Variants in KCNQ1 observed in about 807,000 individuals in gnomAD.
KCNQ1 encodes the protein potassium voltage-gated channel subfamily Q member 1.
In KCNQ1, 49 loss-of-function variants were observed where a neutral mutation model predicts 72.4. The ratio of observed to expected loss-of-function variants is 0.68; its 90% CI spans 0.54 to 0.86. The LOEUF is 0.86. Among genes scored for constraint, KCNQ1 ranks in the 40% least tolerant of loss-of-function variants. KCNQ1 has a pLI of 0.00. For missense variants in KCNQ1, 790 were observed against 945.1 expected (o/e 0.84, Z 2.15); for synonymous variants, 450 against 412.6 (o/e 1.09, Z -1.10).
At position 2,595,570 on chromosome 11, in the gene KCNQ1, C is replaced by T. The variant is rs918333616; in HGVS notation, c.1393+6716C>T. Among the ~76,000 whole-genome samples, 1 of 152,188 alleles carries T rather than the reference C, an allele frequency of 6.6e-6. No homozygotes were observed. Among genetic ancestry groups the T allele is most frequent in the African/African-American group, 2.4e-5 (1 of 41,452 alleles). On this transcript the variant is annotated intron_variant, in intron 10 of 15. Coordinates refer to ENST00000155840, the MANE Select transcript of KCNQ1 (RefSeq NM_000218.3). The surrounding 1 kb of genome is among the most constrained non-coding windows in gnomAD (Gnocchi z 5.0). ...AGCCCGATGACAGTACATCTGTTGA[C>T]AACATGGTTTACTGAATATGTTGAG... is the stretch of plus-strand genomic sequence containing the variant.
rs887438131 is a variant in KCNQ1 at position 2,564,970 on chromosome 11, C to T, written c.478-5658C>T. ...CCGTGGTAGGGAGGGACCACATCTTCCGTCTCCGTCGGTGCACTGAGGGAC... is the reference window on the plus strand; with the variant it reads ...CCGTGGTAGGGAGGGACCACATCTTTCGTCTCCGTCGGTGCACTGAGGGAC... On this transcript the variant is annotated intron_variant, in intron 2 of 15. Coordinates refer to ENST00000155840, the MANE Select transcript of KCNQ1 (RefSeq NM_000218.3). This position sits in a 1 kb window ranked among gnomAD's most constrained non-coding sequence, Gnocchi z 4.5. 2.6e-5 allele frequency among the ~76,000 whole-genome samples: 4 copies of T among 152,214 alleles called. No individual in the cohort carries two copies. The highest frequency in any genetic ancestry group is 5.9e-5 in the Non-Finnish European group (4 of 68,044).
chr11:2,776,043 G>A lies in KCNQ1; in HGVS notation c.1674G>A (p.Glu558=), dbSNP rs2133989416. 6.4e-7 allele frequency: 1 copy of A among 1,562,030 alleles called. No homozygotes were observed. Among genetic ancestry groups the A allele is most frequent in the Non-Finnish European group, 8.7e-7 (1 of 1,153,040 alleles). Residue 558 remains glutamate (E), a synonymous_variant, in exon 13 of 16, where the codon GAG becomes GAA. Coordinates refer to ENST00000155840, the MANE Select transcript of KCNQ1 (RefSeq NM_000218.3). Reference sequence around the variant, plus strand: ...TCAACCTCATGGTGCGCATCAAGGAGCTGCAGAGGAGGTGGGCACGGCCAA... The same window carrying A: ...TCAACCTCATGGTGCGCATCAAGGAACTGCAGAGGAGGTGGGCACGGCCAA... ...GHLNLMVRIK[E]LQRRLDQSIG... is the part of the protein sequence containing the mutation.
Position 2,677,989 on chromosome 11 carries a change from G to C in KCNQ1, c.1514+15908G>C. ...TTTACATTTCTTTTGTTGGAAATGA[G>C]GTTTTTATCTTTCCAAATGCTTAAA... is the stretch of plus-strand genomic sequence containing the variant. On this transcript the variant is annotated intron_variant, in intron 11 of 15. Coordinates refer to ENST00000155840, the MANE Select transcript of KCNQ1 (RefSeq NM_000218.3). This position sits in a 1 kb window ranked among gnomAD's most constrained non-coding sequence, Gnocchi z 4.5. 2 of 394,482 alleles carry C rather than the reference G, an allele frequency of 5.1e-6. No individual in the cohort carries two copies. The highest frequency in any genetic ancestry group is 8.9e-6 in the Non-Finnish European group (2 of 225,664). 24.4% of individuals were successfully genotyped at this position (394,482 alleles called of 1,614,324 possible). A position where few individuals can be genotyped will look rare whatever the true frequency, so the allele number is the denominator to read the frequency against.
chr11:2,614,125 C>T (rs7483403), intron 10 of KCNQ1: 2 of 398,466 alleles, frequency 5.0e-6, no homozygotes, highest in Non-Finnish European at 8.8e-6. Context: ...TTTGGCTTTC[C>T]TACCATGTCT....
rs981828341 is a variant in KCNQ1, at chr11:2,458,106, A to G, written c.386+12622A>G. ...TGGAGTATTCATCACAGCAGAAGGC[A>G]GGGAAGTTATCAGAGGCCCCCTAGG... is the stretch of plus-strand genomic sequence containing the variant. On this transcript the variant is annotated intron_variant, in intron 1 of 15. Transcript: ENST00000155840. The surrounding 1 kb of genome is among the most constrained non-coding windows in gnomAD (Gnocchi z 4.6). Among the ~76,000 whole-genome samples the G allele has an allele frequency of 6.6e-6, 1 of 152,142 alleles. No homozygotes were observed. Among genetic ancestry groups the G allele is most frequent in the Non-Finnish European group, 1.5e-5 (1 of 68,018 alleles).
At position 2,653,974 on chromosome 11, in the gene KCNQ1, A is replaced by G; in HGVS notation, c.1394-7987A>G. 2.5e-6 allele frequency: 1 copy of G among 398,620 alleles called. No homozygotes were observed. Among genetic ancestry groups the G allele is most frequent in the Non-Finnish European group, 4.4e-6 (1 of 226,076 alleles). 24.7% of individuals were successfully genotyped at this position (398,620 alleles called of 1,614,324 possible). On this transcript the variant is annotated intron_variant, in intron 10 of 15. Transcript: ENST00000155840. The surrounding 1 kb of genome is among the most constrained non-coding windows in gnomAD (Gnocchi z 5.3). ...CAACAGGTGTCCACTCAAGCAAGGT[A>G]TTTTCCTAAGCGGAACTGGGTGCCA...
At chr11:2,732,772 G>A (rs1030186460) in intron 11 of KCNQ1, among the ~76,000 whole-genome samples, 7 of 152,072 alleles carry the variant, frequency 4.6e-5, no homozygotes, top group Non-Finnish European at 8.8e-5. Context: ...TATTGTGGCC[G>A]CCACCGAGGC....
intron 13 of KCNQ1, 46 bp downstream of exon 13, chr11:2,776,100 C>A: frequency 1.4e-6 from 2 of 1,469,162 alleles, no homozygotes; most frequent in Non-Finnish European, 1.9e-6. Flanking sequence ...AGGTCCTGCC[C>A]AGCCCGGCCC....
intron 11 of KCNQ1, chr11:2,686,191 GC>G (rs909739562): frequency 2.3e-5 from 9 of 398,672 alleles, no homozygotes; most frequent in African/African-American, 1.9e-4. Context: ...TACTCATCCT[GC>G]CCAAAACCCT....
chr11:2,751,444 C>T (rs1846223671), intron 11 of KCNQ1, among the ~76,000 whole-genome samples: 1 of 152,228 alleles, frequency 6.6e-6, no homozygotes, highest in African/African-American at 2.4e-5. Flanking sequence ...AGCATCTGTC[C>T]CACGTTCCAC....
chr11:2,615,675 G>A, intron 10 of KCNQ1: 1 of 398,008 alleles, frequency 2.5e-6, no homozygotes, highest in Non-Finnish European at 4.4e-6. Context: ...TTAATGTGGT[G>A]TATTACATTG....
intron 11 of KCNQ1, among the ~76,000 whole-genome samples, chr11:2,733,919 G>A (rs377247420): frequency 1.5e-5 from 2 of 135,306 alleles, no homozygotes; most frequent in Admixed American, 1.6e-4. Flanking sequence ...CACCACCCCC[G>A]AAACATGCAC....
At chr11:2,523,755 T>TTTTTTTC (rs1554888061) in intron 1 of KCNQ1, among the ~76,000 whole-genome samples, 1 of 145,382 alleles carries the variant, frequency 6.9e-6, no homozygotes, top group African/African-American at 2.6e-5. Flanking sequence ...TTTACAGTTT[T>TTTTTTTC]TTTTTTTTTT....
At chr11:2,500,764 T>C (rs1846996425) in intron 1 of KCNQ1, among the ~76,000 whole-genome samples, 1 of 150,262 alleles carries the variant, frequency 6.7e-6, no homozygotes, top group Non-Finnish European at 1.5e-5. Flanking sequence ...CTCAGCAAAC[T>C]AACACAAGAA....
chr11:2,789,907 A>G (rs890520107), intron 15 of KCNQ1, among the ~76,000 whole-genome samples: 1 of 151,988 alleles, frequency 6.6e-6, no homozygotes, highest in Non-Finnish European at 1.5e-5. Flanking sequence ...ACCACCCCCA[A>G]TCCTAACATC....
At chr11:2,583,181 G>C (rs1210003201) in intron 6 of KCNQ1, among the ~76,000 whole-genome samples, 2 of 152,140 alleles carry the variant, frequency 1.3e-5, no homozygotes, top group Non-Finnish European at 1.5e-5. Flanking sequence ...CAGCAGGCCT[G>C]GCCCTTCGTG....
At chr11:2,629,980 ATCTTTT>A in intron 10 of KCNQ1, 1 of 398,358 alleles carries the variant, frequency 2.5e-6, no homozygotes. Context: ...TGGTGAGAAT[ATCTTTT>A]TCTTGTTCCT....
At chr11:2,834,485 T>A (rs1184597419) in intron 15 of KCNQ1, among the ~76,000 whole-genome samples, 2 of 152,208 alleles carry the variant, frequency 1.3e-5, no homozygotes, top group Admixed American at 6.5e-5. Context: ...CCTCTGCTCC[T>A]GCCTCTGAGG....
In KCNQ1 at chr11:2,492,503, C is replaced by T. The variant is rs1846852208; in HGVS notation, c.387-35425C>T. Among the ~76,000 whole-genome samples the T allele has an allele frequency of 6.6e-6, 1 of 152,096 alleles. No individual in the cohort carries two copies. Among genetic ancestry groups the T allele is most frequent in the African/African-American group, 2.4e-5 (1 of 41,388 alleles). ...ATTAGGTATTTGTCCTAATGCTCTC[C>T]CTCCCCTTGGCCCCCATCTCCCCAC... On this transcript the variant is annotated intron_variant, in intron 1 of 15. Coordinates refer to ENST00000155840, the MANE Select transcript of KCNQ1 (RefSeq NM_000218.3). The surrounding 1 kb of genome is among the most constrained non-coding windows in gnomAD (Gnocchi z 4.1).
Sources: gnomAD v4.1 joint callset for allele counts (sites outside exome capture counted in the v4.1 genomes callset) on GRCh38, gnomAD v4.1.1 for gene constraint, Gnocchi (gnomAD v3.1) non-coding constraint, MANE v1.5 for transcripts, NCBI Gene and HGNC (gene_info 2026-07-23, HGNC 2026-07-21) for gene names.